The following VRK3 variants were observed in gnomAD, a reference collection of about 807,000 sequenced individuals.
VRK3 encodes the protein VRK serine/threonine kinase 3.
A neutral mutation model predicts 60.4 loss-of-function variants in VRK3; 50 were observed. The ratio of observed to expected loss-of-function variants is 0.83; its 90% confidence interval spans 0.66 to 1.05. VRK3 has a LOEUF of 1.05. Among genes scored for constraint, VRK3 ranks in the 50% least tolerant of loss-of-function variants. The pLI, the probability that VRK3 is intolerant of heterozygous loss-of-function variation, is 0.00. For missense variants in VRK3, 549 were observed against 585.3 expected, an observed-to-expected ratio of 0.94 and a Z score of 0.64; for synonymous variants, 246 against 227.8, an observed-to-expected ratio of 1.08 and a Z score of -0.72.
chr19:50,025,289 G>A lies in VRK3; in HGVS notation c.-87C>T, dbSNP rs1160783885. 1.3e-5 allele frequency: 2 copies of A among 152,312 alleles called. No individual in the cohort carries two copies. Among genetic ancestry groups the A allele is most frequent in the Non-Finnish European group, 2.9e-5 (2 of 68,102 alleles). The allele number at this position is 152,312 out of a possible 1,614,324, so 9.4% of individuals were successfully genotyped here. On this transcript the variant is annotated 5_prime_UTR_variant, in exon 1 of 15. Coordinates refer to ENST00000316763, the MANE Select transcript of VRK3 (RefSeq NM_016440.4). ...CACCTCTGTACTTGGGGACTGGGGT[G>A]GGATTCTGGGCTTCTGCAGCCTGAC...
At chr19:50,003,987 G>T (rs1475822676) in intron 5 of VRK3, among the ~76,000 whole-genome samples, 4 of 152,246 alleles carry the variant, frequency 2.6e-5, no homozygotes, top group Non-Finnish European at 4.4e-5. Flanking sequence ...GATGGCTTGA[G>T]GCCAAGAGTT....
chr19:50,019,674 C>CTTTTTTTTTTTTTTTTT (rs568877003), intron 2 of VRK3, among the ~76,000 whole-genome samples: 3 of 45,016 alleles, frequency 6.7e-5, no homozygotes, highest in African/African-American at 1.4e-4. Context: ...CATGCCTGGC[C>CTTTTTTTTTTTTTTTTT]TTTTTTTTTT....
intron 14 of VRK3, chr19:49,978,696 G>A (rs2076372040): frequency 5.8e-6 from 1 of 170,986 alleles, no homozygotes; most frequent in Non-Finnish European, 1.3e-5. Context: ...CCAAAGGAAA[G>A]TAGAGACTAC....
chr19:49,978,180 C>T lies in VRK3; in HGVS notation c.*11+903G>A, dbSNP rs181543450. ...TGTCACAGGATGTCAGGCAGCATCC[C>T]GGCCTCCACTGTCCCGCATCCTGAC... On this transcript the variant is annotated intron_variant, in intron 14 of 14. Transcript: ENST00000316763. 8.5e-4 allele frequency among the ~76,000 whole-genome samples: 129 copies of T among 152,272 alleles called. 2 individuals carry two copies. In the East Asian group the frequency reaches 0.022, roughly 26 times the overall value.
At chr19:50,003,247 G>A (rs1358503104) in intron 5 of VRK3, among the ~76,000 whole-genome samples, 1 of 152,202 alleles carries the variant, frequency 6.6e-6, no homozygotes, top group African/African-American at 2.4e-5. Flanking sequence ...GAAGGAATCA[G>A]CAGAGCCAAC....
At chr19:49,980,885 C>A (rs896430791) in intron 13 of VRK3, 70 bp downstream of exon 13, 41 of 1,455,484 alleles carry the variant, frequency 2.8e-5, no homozygotes, top group Non-Finnish European at 3.6e-5. Flanking sequence ...GGAGAAGCCA[C>A]CCCAAGATGG....
intron 3 of VRK3, among the ~76,000 whole-genome samples, chr19:50,010,096 T>C (rs1195057738): frequency 6.6e-6 from 1 of 152,088 alleles, no homozygotes; most frequent in African/African-American, 2.4e-5. Flanking sequence ...ACAATGATTG[T>C]GTGTATATAT....
chr19:49,990,547 A>AT (rs1431879365), intron 10 of VRK3, among the ~76,000 whole-genome samples: 1 of 151,214 alleles, frequency 6.6e-6, no homozygotes, highest in African/African-American at 2.4e-5. Flanking sequence ...TGCCCAGCCG[A>AT]TTTTTTGTAA....
At chr19:50,006,611 G>A (rs1298133677) in intron 5 of VRK3, among the ~76,000 whole-genome samples, 3 of 152,050 alleles carry the variant, frequency 2.0e-5, no homozygotes, top group Non-Finnish European at 2.9e-5. Context: ...TCCTGACCTC[G>A]TGATCCGCCT....
At chr19:50,019,674 CTTTTTTTTTTTTTTTTTTTTTTT>C (rs568877003) in intron 2 of VRK3, among the ~76,000 whole-genome samples, 57 of 45,022 alleles carry the variant, frequency 1.3e-3, no homozygotes, top group Middle Eastern at 0.019. Flanking sequence ...CATGCCTGGC[CTTTTTTTTTTTTTTTTTTTTTTT>C]TTTTTTTTTT....
chr19:49,991,538 C>T (rs544653527), intron 10 of VRK3, among the ~76,000 whole-genome samples: 3 of 151,808 alleles, frequency 2.0e-5, no homozygotes, highest in African/African-American at 7.2e-5. Context: ...CACACACGCA[C>T]ACACACACAC....
chr19:49,998,157 T>G (rs1036240284), intron 6 of VRK3: 10 of 151,218 alleles, frequency 6.6e-5, no homozygotes, highest in African/African-American at 2.5e-4. Flanking sequence ...AACATCATCT[T>G]GCTTAAGCCA....
intron 11 of VRK3, among the ~76,000 whole-genome samples, chr19:49,989,015 A>G (rs16981637): frequency 0.053 from 7,985 of 152,066 alleles, 692 homozygotes; most frequent in African/African-American, 0.18. Flanking sequence ...AATTTAGACA[A>G]CGCTTTGTGT....
rs553109117 is a variant in VRK3, at chr19:49,977,475, G to A, written c.*12-691C>T. Among the ~76,000 whole-genome samples, 6 of 152,250 alleles carry A rather than the reference G, an allele frequency of 3.9e-5. No homozygotes were observed. In the East Asian group the frequency reaches 9.7e-4, roughly 25 times the overall value. The stretch of plus-strand genomic sequence containing the variant: ...AATGCCCTTTGCCCTGGGTGAGGAA[G>A]GCACTGTGAGACACAGTGGCACTGA... On this transcript the variant is annotated intron_variant, in intron 14 of 14. Coordinates refer to ENST00000316763, the MANE Select transcript of VRK3 (RefSeq NM_016440.4).
At chr19:50,011,883 G>A (rs1600712890) in intron 3 of VRK3, among the ~76,000 whole-genome samples, 1 of 152,110 alleles carries the variant, frequency 6.6e-6, no homozygotes, top group African/African-American at 2.4e-5. Context: ...CACTCCTCCA[G>A]TGTGTCTGGC....
At chr19:49,985,932 C>T (rs2076508033) in intron 12 of VRK3, among the ~76,000 whole-genome samples, 1 of 152,226 alleles carries the variant, frequency 6.6e-6, no homozygotes, top group African/African-American at 2.4e-5. Context: ...GTGGCCTGGA[C>T]TGATTACCTA....
Position 49,979,166 on chromosome 19 carries a change from G to A in VRK3, c.1353C>T (p.Asn451=). The change falls in exon 14 of 15, where the codon AAC becomes AAT. Residue 451 remains asparagine (N), a synonymous_variant. Transcript: ENST00000316763. ...GATCCTGCAGCAAAGCTTCTAGGTT[G>A]TTCCTCAGCATGGCGTAGGGCGGCT... is the stretch of plus-strand genomic sequence containing the variant. ...EEKPPYAMLR[N]NLEALLQDLR... The A allele has an allele frequency of 6.2e-7, 1 of 1,614,130 alleles. No individual in the cohort carries two copies. The highest frequency in any genetic ancestry group is 1.1e-5 in the South Asian group (1 of 91,082).
intron 1 of VRK3, among the ~76,000 whole-genome samples, chr19:50,020,979 G>A (rs775586897): frequency 1.1e-4 from 17 of 152,210 alleles, no homozygotes; most frequent in Non-Finnish European, 1.9e-4. Context: ...AAAACAGGAT[G>A]CCACAGAGGT....
rs148893501 is a variant in VRK3, at chr19:50,017,166, C to A, written c.-1-1003G>T. ...CCAAGATCATGCCATTGCACTCCAG[C>A]CTGGACAAGAAGAGTGAAAACTCTG... On this transcript the variant is annotated intron_variant, in intron 2 of 14. Coordinates refer to ENST00000316763, the MANE Select transcript of VRK3 (RefSeq NM_016440.4). Among the ~76,000 whole-genome samples, 316 of 152,066 alleles carry A rather than the reference C, an allele frequency of 2.1e-3. 1 individual carries two copies. Among genetic ancestry groups the A allele is most frequent in the African/African-American group, 7.5e-3 (313 of 41,476 alleles).
Sources: allele counts gnomAD v4.1 joint callset (sites outside exome capture counted in the v4.1 genomes callset), GRCh38; gene constraint gnomAD v4.1.1; transcripts MANE v1.5; gene names NCBI Gene and HGNC (gene_info 2026-07-23, HGNC 2026-07-21).